MAOB: variants seen among roughly 807,000 people sequenced by gnomAD.
MAOB encodes the protein amine oxidase [flavin-containing] B.
A neutral mutation model predicts 41.9 loss-of-function variants in MAOB; 15 were observed. The observed-to-expected ratio is 0.36, with a 90% CI of 0.24 to 0.55. The LOEUF (loss-of-function observed/expected upper bound fraction) is 0.55. Among genes scored for constraint, MAOB ranks in the 20% least tolerant of loss-of-function variants. The pLI is 0.86. For synonymous variants in MAOB, 167 were observed against 144.2 expected, an observed-to-expected ratio of 1.16 and a Z score of -1.13; for missense variants, 345 against 398.7, an observed-to-expected ratio of 0.87 and a Z score of 1.15.
chrX:43,837,424 C>T (rs917658432), intron 3 of MAOB, among the ~76,000 whole-genome samples: 2 of 112,274 alleles, frequency 1.8e-5, no homozygotes, highest in East Asian at 2.8e-4. Context: ...TCTGGAACTC[C>T]TGACCTCAGG....
intron 3 of MAOB, among the ~76,000 whole-genome samples, chrX:43,830,762 C>A (rs922777598): frequency 4.5e-5 from 5 of 111,715 alleles, no homozygotes; most frequent in Non-Finnish European, 1.9e-5. Flanking sequence ...AAGTTTGTTT[C>A]CAAAAGGAAA....
intron 1 of MAOB, among the ~76,000 whole-genome samples, chrX:43,860,957 T>C (rs1167491355): frequency 1.8e-5 from 2 of 112,434 alleles, no homozygotes; most frequent in Non-Finnish European, 3.8e-5. Context: ...TTGAATGTTC[T>C]CTCTAAGGAA....
Position 43,768,631 on chromosome X carries a change from T to A in MAOB, c.1410+23A>T, listed in dbSNP as rs1273370894. 3 of 1,174,870 alleles carry A rather than the reference T, an allele frequency of 2.6e-6. No individual in the cohort carries two copies. In the African/African-American group the frequency reaches 5.3e-5, roughly 21 times the overall value. ...GGGTTTAGAGAAAAGATATCTAATTTCATGAAATAAAACATAGCCTACCAC... is the reference window on the plus strand; with the variant it reads ...GGGTTTAGAGAAAAGATATCTAATTACATGAAATAAAACATAGCCTACCAC... On this transcript the variant is annotated intron_variant, in intron 14 of 14. Coordinates refer to ENST00000378069, the MANE Select transcript of MAOB (RefSeq NM_000898.5).
intron 3 of MAOB, among the ~76,000 whole-genome samples, chrX:43,833,220 T>C (rs1314785012): frequency 9.0e-6 from 1 of 111,144 alleles, no homozygotes; most frequent in Non-Finnish European, 1.9e-5. Context: ...AAATAACTTA[T>C]AGTTATTTGA....
Position 43,797,250 on chromosome X carries a change from C to A in MAOB, c.493G>T (p.Ala165Ser). ...LCWTESAKQL[A>S]TLFVNLCVTA... ...ACACACAGGTTCACAAAGAGAGTGG[C>A]AAGCTGCTTTGCAGATCTGCACAGG... Residue 165 changes from alanine (A) to serine (S), a missense_variant, in exon 6 of 15, where the codon GCC becomes TCC. Ala to Ser is a moderately conservative substitution (Grantham distance 99). Coordinates refer to ENST00000378069, the MANE Select transcript of MAOB (RefSeq NM_000898.5). 1 of 1,197,937 alleles carries A rather than the reference C, an allele frequency of 8.3e-7. No individual in the cohort carries two copies. The highest frequency in any genetic ancestry group is 1.1e-6 in the Non-Finnish European group (1 of 888,754).
intron 1 of MAOB, among the ~76,000 whole-genome samples, chrX:43,872,838 T>C (rs1440098212): frequency 8.9e-6 from 1 of 112,297 alleles, no homozygotes; most frequent in Non-Finnish European, 1.9e-5. Flanking sequence ...GTGGTAAATA[T>C]TTTATGGAGT....
intron 2 of MAOB, among the ~76,000 whole-genome samples, chrX:43,841,518 A>G (rs1175671616): frequency 8.9e-6 from 1 of 111,912 alleles, no homozygotes; most frequent in African/African-American, 3.2e-5. Flanking sequence ...AATCCCCATC[A>G]AAATGCCAAT....
chrX:43,872,017 A>G (rs1385151840), intron 1 of MAOB, among the ~76,000 whole-genome samples: 1 of 112,213 alleles, frequency 8.9e-6, no homozygotes, highest in Non-Finnish European at 1.9e-5. Flanking sequence ...CTCATGTTTT[A>G]TCTAGATGGG....
chrX:43,795,778 T>G lies in MAOB; in HGVS notation c.729A>C (p.Glu243Asp). The G allele has an allele frequency of 8.3e-7, 1 of 1,210,840 alleles. No homozygotes were observed. Among genetic ancestry groups the G allele is most frequent in the Non-Finnish European group, 1.1e-6 (1 of 894,686 alleles). The change falls in exon 7 of 15, where the codon GAA becomes GAC. Residue 243 changes from glutamate (E) to aspartate (D), a missense_variant. Coordinates refer to ENST00000378069, the MANE Select transcript of MAOB (RefSeq NM_000898.5). ...GGTTTAGGGTCTCCACAAGGACATTTTCTCTTGTCTGGTCAATGTAGATCA... is the reference window on the plus strand; with the variant it reads ...GGTTTAGGGTCTCCACAAGGACATTGTCTCTTGTCTGGTCAATGTAGATCA... Reference protein sequence around the residue: ...RPVIYIDQTRENVLVETLNHE... With the variant: ...RPVIYIDQTRDNVLVETLNHE...
chrX:43,844,999 C>G (rs1214268123), intron 1 of MAOB, among the ~76,000 whole-genome samples: 1 of 111,983 alleles, frequency 8.9e-6, no homozygotes, highest in Admixed American at 9.5e-5. Context: ...TCTGGAGAAC[C>G]CTGACTGATA....
intron 3 of MAOB, among the ~76,000 whole-genome samples, chrX:43,825,518 T>C (rs1394832085): frequency 9.0e-6 from 1 of 111,187 alleles, no homozygotes; most frequent in Non-Finnish European, 1.9e-5. Flanking sequence ...CCCTCTCACA[T>C]AACCCCACAC....
intron 3 of MAOB, among the ~76,000 whole-genome samples, chrX:43,826,610 T>C (rs1466192557): frequency 8.9e-6 from 1 of 112,198 alleles, no homozygotes; most frequent in African/African-American, 3.2e-5. Context: ...GGCTGGGAAG[T>C]CCAAGAACAA....
At chrX:43,794,607 T>C (rs151298178) in intron 7 of MAOB, among the ~76,000 whole-genome samples, 2,199 of 110,901 alleles carry the variant, frequency 0.02, 62 homozygotes, top group South Asian at 0.18. Flanking sequence ...ATTTATCAAA[T>C]AAATATTTTC....
rs1215432650 is a variant in MAOB at position 43,811,021 on chromosome X, GACTTTCTGAAAAACAGTAAGCAA to G, written c.280-7640_280-7618del. ...AATTTGTCTTTGACTTTTTAAAGCA[GACTTTCTGAAAAACAGTAAGCAA>G]ACTGATTCTCACACGGCCTCATTTT... On this transcript the variant is annotated intron_variant, in intron 3 of 14. Coordinates refer to ENST00000378069, the MANE Select transcript of MAOB (RefSeq NM_000898.5). Among the ~76,000 whole-genome samples, 3 of 112,041 alleles carry G rather than the reference GACTTTCTGAAAAACAGTAAGCAA, an allele frequency of 2.7e-5. No homozygotes were observed. The East Asian group carries it at 8.4e-4, about 31-fold the overall frequency.
chrX:43,775,352 G>A (rs2034242007), intron 11 of MAOB, 80 bp from the exon 12 acceptor site: 4 of 1,124,067 alleles, frequency 3.6e-6, no homozygotes, highest in Non-Finnish European at 4.7e-6. Flanking sequence ...AGTTTAGTAG[G>A]CTTTGTATTG....
chrX:43,775,103 A>G, intron 12 of MAOB, 72 bp downstream of exon 12: 1 of 990,509 alleles, frequency 1.0e-6, no homozygotes, highest in Non-Finnish European at 1.3e-6. Context: ...GAGAAGAGCT[A>G]CCTGAACCTA....
Position 43,769,476 on chromosome X carries a change from T to C in MAOB, c.1236-58A>G, listed in dbSNP as rs1235332662. The C allele has an allele frequency of 2.6e-6, 3 of 1,146,255 alleles. No homozygotes were observed. In the African/African-American group the frequency reaches 5.5e-5, roughly 21 times the overall value. The allele number at this position is 1,146,255 out of a possible 1,213,427, so 94.5% of individuals were successfully genotyped here. ...AGTCTCAGAGAGTCAGAGAAAAGTT[T>C]TCCCATAAAGACCAATGCTGGTCAG... On this transcript the variant is annotated intron_variant, in intron 12 of 14. Transcript: ENST00000378069.
intron 3 of MAOB, among the ~76,000 whole-genome samples, chrX:43,830,803 G>A (rs2035009985): frequency 8.9e-6 from 1 of 112,002 alleles, no homozygotes; most frequent in African/African-American, 3.2e-5. Context: ...CTATCAAAAT[G>A]TTCTTAGGAT....
intron 1 of MAOB, chrX:43,850,485 T>A: frequency 2.7e-6 from 2 of 753,659 alleles, no homozygotes; most frequent in South Asian, 6.7e-5. Flanking sequence ...AAGTTCAAAC[T>A]GGCTTGTCTT....
Sources: gnomAD v4.1 joint callset for allele counts (sites outside exome capture counted in the v4.1 genomes callset) on GRCh38, gnomAD v4.1.1 for gene constraint, MANE v1.5 for transcripts, NCBI Gene and HGNC (gene_info 2026-07-23, HGNC 2026-07-21) for gene names.